The following SLC13A3 variants were observed in gnomAD, a reference collection of about 807,000 sequenced individuals.
The protein encoded by SLC13A3 is solute carrier family 13 member 3.
SLC13A3 carries 40 observed loss-of-function variants against 59.0 expected under a neutral mutation model. The ratio of observed to expected loss-of-function variants is 0.68; its 90% CI spans 0.53 to 0.88. The LOEUF (loss-of-function observed/expected upper bound fraction) is 0.88, where lower values mean the gene tolerates loss of function less well. Among genes scored for constraint, SLC13A3 ranks in the 40% least tolerant of loss-of-function variants. SLC13A3 has a pLI of 0.00. For missense variants in SLC13A3, 699 were observed against 783.2 expected, an observed-to-expected ratio of 0.89 and a Z score of 1.28; for synonymous variants, 317 against 330.3, an observed-to-expected ratio of 0.96 and a Z score of 0.44.
intron 1 of SLC13A3, among the ~76,000 whole-genome samples, chr20:46,677,467 T>C (rs1374706586): frequency 6.6e-6 from 1 of 152,028 alleles, no homozygotes. Context: ...CTGGATCGAA[T>C]GGGGGCGAGG....
At chr20:46,607,760 G>A (rs1048604826) in intron 3 of SLC13A3, among the ~76,000 whole-genome samples, 3 of 152,206 alleles carry the variant, frequency 2.0e-5, no homozygotes, top group Admixed American at 2.0e-4. Flanking sequence ...TGGAGCCTGA[G>A]AATGTAGGCT....
At chr20:46,618,072 A>G (rs143346969) in intron 1 of SLC13A3, among the ~76,000 whole-genome samples, 1 of 152,312 alleles carries the variant, frequency 6.6e-6, no homozygotes, top group Non-Finnish European at 1.5e-5. Flanking sequence ...TGCGTTTTGA[A>G]AATGATATGA....
upstream of SLC13A3, among the ~76,000 whole-genome samples, chr20:46,674,604 CGT>C (rs58582046): frequency 0.25 from 31,474 of 127,774 alleles, 4,317 homozygotes; most frequent in East Asian, 0.41. Flanking sequence ...CGCGCGCGCG[CGT>C]GTGTGTGTGT....
At chr20:46,587,860 C>T (rs1244888517) in intron 8 of SLC13A3, among the ~76,000 whole-genome samples, 199 bp downstream of exon 8, 1 of 152,234 alleles carries the variant, frequency 6.6e-6, no homozygotes, top group African/African-American at 2.4e-5. Context: ...GAGCTCCCAA[C>T]ACATGAGAAG....
chr20:46,667,583 A>G (rs1009809671), intron 1 of SLC13A3, among the ~76,000 whole-genome samples: 1 of 152,096 alleles, frequency 6.6e-6, no homozygotes, highest in Admixed American at 6.5e-5. Context: ...AACTCATTCC[A>G]TCCTTATAAA....
At chr20:46,606,871 G>A (rs1350611100) in intron 3 of SLC13A3, among the ~76,000 whole-genome samples, 1 of 152,242 alleles carries the variant, frequency 6.6e-6, no homozygotes, top group Non-Finnish European at 1.5e-5. Context: ...GGGGACATTG[G>A]CGAAGCCATC....
intron 10 of SLC13A3, among the ~76,000 whole-genome samples, chr20:46,567,056 C>A (rs1168113255): frequency 1.3e-5 from 2 of 151,864 alleles, no homozygotes; most frequent in Non-Finnish European, 2.9e-5. Context: ...ATGCAAAAAT[C>A]ACATGTGTGC....
chr20:46,651,400 C>A lies in SLC13A3; in HGVS notation c.22G>T (p.Ala8Ser), dbSNP rs959021389. Reference sequence around the variant, plus strand: ...CGCCGCGCGCTCCACACCTTCTTGGCCGCTGCTGCCAGCGCCGCCATCAGC... The same window carrying A: ...CGCCGCGCGCTCCACACCTTCTTGGACGCTGCTGCCAGCGCCGCCATCAGC... MAALAAA[A>S]KKVWSARRLL... The change falls in exon 1 of 13, where the codon GCC becomes TCC. Residue 8 changes from alanine to serine, a missense_variant. Coordinates refer to ENST00000279027, the MANE Select transcript of SLC13A3 (RefSeq NM_022829.6). 2 of 1,495,896 alleles carry A rather than the reference C, an allele frequency of 1.3e-6. No individual in the cohort carries two copies. Among genetic ancestry groups the A allele is most frequent in the African/African-American group, 1.5e-5 (1 of 68,844 alleles). 92.7% of individuals were successfully genotyped at this position (1,495,896 alleles called of 1,614,324 possible).
chr20:46,572,878 G>A (rs1025077104), intron 10 of SLC13A3, among the ~76,000 whole-genome samples: 7 of 152,088 alleles, frequency 4.6e-5, no homozygotes, highest in African/African-American at 1.4e-4. Flanking sequence ...TGGTTCCATC[G>A]TACTGCAAGC....
intron 1 of SLC13A3, among the ~76,000 whole-genome samples, chr20:46,618,625 A>G (rs2062585350): frequency 6.6e-6 from 1 of 152,358 alleles, no homozygotes; most frequent in South Asian, 2.1e-4. Context: ...GCAATAAGGC[A>G]CTGTCTTTGA....
At chr20:46,597,405 A>G (rs1226653249) in intron 4 of SLC13A3, among the ~76,000 whole-genome samples, 1 of 152,178 alleles carries the variant, frequency 6.6e-6, no homozygotes, top group African/African-American at 2.4e-5. Context: ...CGTACATAGA[A>G]TTATCAATTT....
intron 3 of SLC13A3, among the ~76,000 whole-genome samples, chr20:46,607,738 G>A (rs1485380517): frequency 6.6e-6 from 1 of 152,170 alleles, no homozygotes; most frequent in Non-Finnish European, 1.5e-5. Context: ...TCTCATGTGG[G>A]AGGCAGAATA....
intron 12 of SLC13A3, among the ~76,000 whole-genome samples, chr20:46,562,381 T>C (rs2061939031): frequency 6.6e-6 from 1 of 152,118 alleles, no homozygotes; most frequent in South Asian, 2.1e-4. Context: ...CAGGCCTTTG[T>C]ACCTGCTGTG....
chr20:46,626,071 C>T (rs768866556), intron 1 of SLC13A3, among the ~76,000 whole-genome samples: 2 of 151,546 alleles, frequency 1.3e-5, no homozygotes, highest in Non-Finnish European at 2.9e-5. Context: ...TAAATTCTGG[C>T]TGCAAAGGTT....
intron 3 of SLC13A3, among the ~76,000 whole-genome samples, chr20:46,604,122 C>T (rs191876320): frequency 1.4e-4 from 21 of 152,166 alleles, no homozygotes; most frequent in African/African-American, 4.1e-4. Flanking sequence ...AGAGCCTGGT[C>T]ACTTCATTCT....
chr20:46,585,492 TA>T, intron 8 of SLC13A3: 3 of 1,004,738 alleles, frequency 3.0e-6, no homozygotes, highest in Non-Finnish European at 3.6e-6. Context: ...AATAGGGTTC[TA>T]AAAGCCAATT....
chr20:46,571,252 C>T (rs1385381546), intron 10 of SLC13A3, among the ~76,000 whole-genome samples: 1 of 152,104 alleles, frequency 6.6e-6, no homozygotes, highest in Non-Finnish European at 1.5e-5. Flanking sequence ...TGGGTGGGGA[C>T]ACAGCCAAAC....
chr20:46,586,886 A>T (rs2062198315), intron 8 of SLC13A3, among the ~76,000 whole-genome samples: 1 of 152,246 alleles, frequency 6.6e-6, no homozygotes, highest in Non-Finnish European at 1.5e-5. Context: ...CTCACATTTG[A>T]CATTGGAGTA....
upstream of SLC13A3, among the ~76,000 whole-genome samples, chr20:46,674,229 T>A (rs1311596509): frequency 6.6e-6 from 1 of 152,084 alleles, no homozygotes; most frequent in Non-Finnish European, 1.5e-5. Flanking sequence ...TCTCTGCAGC[T>A]CCAAGAACAA....
Sources: allele counts gnomAD v4.1 joint callset (sites outside exome capture counted in the v4.1 genomes callset), GRCh38; gene constraint gnomAD v4.1.1; transcripts MANE v1.5; gene names NCBI Gene and HGNC (gene_info 2026-07-23, HGNC 2026-07-21).